The following MAP1S variants were observed in gnomAD, a reference collection of about 807,000 sequenced individuals.
The protein encoded by MAP1S is microtubule-associated protein 1S.
In MAP1S, 27 loss-of-function variants were observed where a neutral mutation model predicts 60.9. The ratio of observed to expected loss-of-function variants is 0.44; its 90% CI spans 0.33 to 0.61. The LOEUF (loss-of-function observed/expected upper bound fraction) is 0.61, where lower values mean the gene tolerates loss of function less well. Among genes scored for constraint, MAP1S ranks in the 20% least tolerant of loss-of-function variants. The probability of loss-of-function intolerance (pLI) is 0.03; values close to 1 mark genes in which losing one functional copy is unlikely to be tolerated. For synonymous variants in MAP1S, 826 were observed against 694.2 expected, an observed-to-expected ratio of 1.19 and a Z score of -2.98; for missense variants, 1,608 against 1,486.6, an observed-to-expected ratio of 1.08 and a Z score of -1.34.
intron 6 of MAP1S, 121 bp downstream of exon 6, chr19:17,733,549 G>A: frequency 3.9e-6 from 3 of 778,468 alleles, no homozygotes; most frequent in Non-Finnish European, 5.9e-6. Context: ...GGCGAATGTG[G>A]GAGTCTCACA....
chr19:17,727,014 G>A lies in MAP1S; in HGVS notation c.1630G>A (p.Ala544Thr), dbSNP rs2080435888. 6.3e-7 allele frequency: 1 copy of A among 1,590,534 alleles called. No individual in the cohort carries two copies. Among genetic ancestry groups the A allele is most frequent in the Non-Finnish European group, 8.5e-7 (1 of 1,169,592 alleles). ...GACCCAGCCGCGGGAGGTGCGCCGGGCAGCCTCTTCTGTGCCCAACCTCAA... is the reference window on the plus strand; with the variant it reads ...GACCCAGCCGCGGGAGGTGCGCCGGACAGCCTCTTCTGTGCCCAACCTCAA... The part of the protein sequence containing the change: ...SRTQPREVRR[A>T]ASSVPNLKKT... The change falls in exon 5 of 7, where the codon GCA (alanine) becomes ACA (threonine). Residue 544 changes from alanine (A) to threonine (T), a missense_variant. Ala to Thr is a moderately conservative substitution (Grantham distance 58). Transcript: ENST00000324096. The surrounding 1 kb of genome is among the most constrained non-coding windows in gnomAD (Gnocchi z 4.1).
chr19:17,726,790 G>A lies in MAP1S; in HGVS notation c.1406G>A (p.Arg469Gln), dbSNP rs749145474. The change falls in exon 5 of 7, where the codon CGA becomes CAA. Residue 469 changes from arginine (R) to glutamine (Q), a missense_variant. Arg to Gln is a conservative substitution (Grantham distance 43). Coordinates refer to ENST00000324096, the MANE Select transcript of MAP1S (RefSeq NM_018174.6). The stretch of plus-strand genomic sequence containing the variant: ...CCCCAGGACCTGGAGGGGCCGGGGC[G>A]AGCCGAGAGCAAAGAGAGCGTGGGC... ...VTPQDLEGPG[R>Q]AESKESVGSR... The A allele has an allele frequency of 7.1e-6, 11 of 1,557,156 alleles. No individual in the cohort carries two copies. The East Asian group carries it at 9.7e-5, about 14-fold the overall frequency.
chr19:17,726,606 A>T lies in MAP1S; in HGVS notation c.1222A>T (p.Thr408Ser). ...CCCGCCCTCCGCCGGCGCCGAGCGC[A>T]CGCTGGCCTCTGTGTGCGCCCTGCT... ...LHPPSAGAER[T>S]LASVCALLVW... The change falls in exon 5 of 7, where the codon ACG (threonine) becomes TCG (serine). Residue 408 changes from threonine (T) to serine (S), a missense_variant. Around this residue, in one of 4 missense-constraint regions of MAP1S, gnomAD observed 1,167 missense variants for 961.4 expected, o/e 1.21. Coordinates refer to ENST00000324096, the MANE Select transcript of MAP1S (RefSeq NM_018174.6). 2.5e-6 allele frequency: 4 copies of T among 1,570,812 alleles called. No individual in the cohort carries two copies. The highest frequency in any genetic ancestry group is 3.4e-6 in the Non-Finnish European group (4 of 1,162,912).
At position 17,733,286 on chromosome 19, in the gene MAP1S, A is replaced by G. The variant is rs551113292; in HGVS notation, c.2882A>G (p.His961Arg). 3.2e-6 allele frequency: 5 copies of G among 1,579,516 alleles called. No homozygotes were observed. Among genetic ancestry groups the G allele is most frequent in the Non-Finnish European group, 4.3e-6 (5 of 1,164,064 alleles). The change falls in exon 6 of 7, where the codon CAC becomes CGC. Residue 961 changes from histidine to arginine, a missense_variant. This residue lies in a region of MAP1S where 1,167 missense variants were observed against 961.4 expected (regional missense o/e 1.21). Coordinates refer to ENST00000324096, the MANE Select transcript of MAP1S (RefSeq NM_018174.6). ...TACCTGCCCAGCGGGAGCAGCGCCC[A>G]CCTGGTGGATGAGGAGTTCTTCCAG... ...LAYLPSGSSAHLVDEEFFQRV... is the reference protein window; with the variant it reads ...LAYLPSGSSARLVDEEFFQRV...
intron 5 of MAP1S, 43 bp from the exon 6 acceptor site, chr19:17,733,150 G>T: frequency 7.7e-7 from 1 of 1,302,060 alleles, no homozygotes; most frequent in Non-Finnish European, 1.1e-6. Context: ...CCCCTCCCCA[G>T]CCCCAGGAGC....
Position 17,725,039 on chromosome 19 carries a change from C to T in MAP1S, c.304-10C>T, listed in dbSNP as rs2080404832. 1.2e-6 allele frequency: 2 copies of T among 1,614,128 alleles called. No homozygotes were observed. On this transcript the variant is annotated splice_polypyrimidine_tract_variant and intron_variant, in intron 3 of 6. Transcript: ENST00000324096. The surrounding 1 kb of genome is among the most constrained non-coding windows in gnomAD (Gnocchi z 4.2). ...AGAACGGGTCCTTTAGTGTTCACCC[C>T]CTCCCTCAGCTCCGGAACCTTCTGT...
Position 17,733,185 on chromosome 19 carries a change from G to A in MAP1S, c.2789-8G>A, listed in dbSNP as rs372756614. 119 of 1,129,084 alleles carry A rather than the reference G, an allele frequency of 1.1e-4. No individual in the cohort carries two copies. The Admixed American group carries it at 1.1e-3, about 11-fold the overall frequency. The allele number at this position is 1,129,084 out of a possible 1,614,324, so 69.9% of individuals were successfully genotyped here. On this transcript the variant is annotated splice_polypyrimidine_tract_variant and splice_region_variant and intron_variant, in intron 5 of 6. Transcript: ENST00000324096. ...CTCATCCCTGCCTCCCCATCCCCCC[G>A]CCCGCAGGGTCAGCCAGCAGCCGGC... is the stretch of plus-strand genomic sequence containing the variant.
chr19:17,730,895 CTT>C (rs779442592), intron 5 of MAP1S, among the ~76,000 whole-genome samples: 3 of 134,732 alleles, frequency 2.2e-5, no homozygotes, highest in Non-Finnish European at 4.8e-5. Context: ...TTTTCTTTTT[CTT>C]TTTTTTTTTT....
intron 5 of MAP1S, among the ~76,000 whole-genome samples, chr19:17,731,101 G>C (rs2080489875): frequency 6.6e-6 from 1 of 151,712 alleles, no homozygotes; most frequent in African/African-American, 2.4e-5. Flanking sequence ...CACCACGTTG[G>C]CCAGGCTGGT....
Position 17,727,429 on chromosome 19 carries a change from T to C in MAP1S, c.2045T>C (p.Leu682Pro). 6.2e-7 allele frequency: 1 copy of C among 1,601,766 alleles called. No individual in the cohort carries two copies. The highest frequency in any genetic ancestry group is 8.5e-7 in the Non-Finnish European group (1 of 1,174,818). Residue 682 changes from leucine (L) to proline (P), a missense_variant, in exon 5 of 7, where the codon CTA becomes CCA. Leu to Pro is a moderately conservative substitution (Grantham distance 98, BLOSUM62 -3). Transcript: ENST00000324096. The surrounding 1 kb of genome is among the most constrained non-coding windows in gnomAD (Gnocchi z 4.1). Reference protein sequence around the residue: ...VTTPTVTTPSLPAEVGSPHST... With the variant: ...VTTPTVTTPSPPAEVGSPHST... ...ACACCCACGGTGACCACGCCCTCAC[T>C]ACCCGCAGAGGTGGGCTCCCCGCAC...
intron 1 of MAP1S, chr19:17,720,408 C>T: frequency 6.5e-7 from 1 of 1,535,018 alleles, no homozygotes; most frequent in Non-Finnish European, 8.7e-7. Context: ...GGATGATAGA[C>T]AGGTTCAGCC....
rs764662106 is a variant in MAP1S at position 17,727,548 on chromosome 19, C to T, written c.2164C>T (p.Arg722Cys). 1.9e-5 allele frequency: 31 copies of T among 1,608,590 alleles called. No homozygotes were observed. The highest frequency in any genetic ancestry group is 2.5e-5 in the Non-Finnish European group (29 of 1,179,350). ...TSEAGLSLPLRGPRARRSASP... is the reference protein window; with the variant it reads ...TSEAGLSLPLCGPRARRSASP... ...TGAGGCTGGGCTGAGCCTCCCGCTG[C>T]GTGGCCCCCGGGCGCGGCGCTCGGC... is the stretch of plus-strand genomic sequence containing the variant. The change falls in exon 5 of 7, where the codon CGT (arginine) becomes TGT (cysteine). Residue 722 changes from arginine to cysteine, a missense_variant. Coordinates refer to ENST00000324096, the MANE Select transcript of MAP1S (RefSeq NM_018174.6). The surrounding 1 kb of genome is among the most constrained non-coding windows in gnomAD (Gnocchi z 4.1).
In MAP1S at chr19:17,726,385, TG is replaced by T; in HGVS notation, c.1006del (p.Val336SerfsTer24). The T allele has an allele frequency of 6.3e-7, 1 of 1,593,048 alleles. No individual in the cohort carries two copies. Among genetic ancestry groups the T allele is most frequent in the Non-Finnish European group, 8.5e-7 (1 of 1,176,544 alleles). On this transcript the variant is annotated frameshift_variant, in exon 5 of 7. Coordinates refer to ENST00000324096, the MANE Select transcript of MAP1S (RefSeq NM_018174.6). LOFTEE classifies it high-confidence loss of function. Reference sequence around the variant, plus strand: ...CTGCGCAGGCTCATCTCCCCCAACCTGGGGGTCGTGTTCTTCAACGCCTGCG... The same window carrying T: ...CTGCGCAGGCTCATCTCCCCCAACCTGGGGTCGTGTTCTTCAACGCCTGCG... ...DRLRRLISPN[L>X]GVVFFNACEA... is the part of the protein sequence containing the mutation.
chr19:17,728,171 G>A lies in MAP1S; in HGVS notation c.2787G>A (p.Ser929=), dbSNP rs759709700. The change falls in exon 5 of 7, where the codon TCG becomes TCA. Residue 929 remains serine (S), a splice_region_variant and synonymous_variant. Transcript: ENST00000324096. ...STPKTATRGP[S]GSASSRPGVS... ...CCAAGACTGCCACTCGAGGCCCGTCGGGTGAGTACTGGAGCTGGGGCCCTG... is the reference window on the plus strand; with the variant it reads ...CCAAGACTGCCACTCGAGGCCCGTCAGGTGAGTACTGGAGCTGGGGCCCTG... The A allele has an allele frequency of 6.9e-6, 11 of 1,582,860 alleles. No individual in the cohort carries two copies. The African/African-American group carries it at 1.1e-4, about 16-fold the overall frequency.
At chr19:17,723,287 C>T (rs2080387493) in intron 2 of MAP1S, among the ~76,000 whole-genome samples, 1 of 152,212 alleles carries the variant, frequency 6.6e-6, no homozygotes, top group Non-Finnish European at 1.5e-5. Flanking sequence ...TGGGTCAAGT[C>T]TGTAATCCCA....
In MAP1S at chr19:17,725,268, G is replaced by A. The variant is rs1232217884; in HGVS notation, c.444+79G>A. ...GTGTATCAGGCTGTGTGGCACCAGC[G>A]ACCTGCTGTTTTCCATGGCCTGGTC... On this transcript the variant is annotated intron_variant, in intron 4 of 6. Transcript: ENST00000324096. This position sits in a 1 kb window ranked among gnomAD's most constrained non-coding sequence, Gnocchi z 4.2. 8.0e-6 allele frequency: 12 copies of A among 1,498,216 alleles called. No homozygotes were observed. In the South Asian group the frequency reaches 9.1e-5, roughly 11 times the overall value. 92.8% of individuals were successfully genotyped at this position (1,498,216 alleles called of 1,614,324 possible).
intron 3 of MAP1S, 120 bp from the exon 4 acceptor site, chr19:17,724,929 T>C (rs2080403410): frequency 7.9e-7 from 1 of 1,268,348 alleles, no homozygotes; most frequent in Non-Finnish European, 1.1e-6. Context: ...AGCACTGGGC[T>C]GGTCGTGGGG....
rs894547779 is a variant in MAP1S at position 17,724,051 on chromosome 19, C to T, written c.221-75C>T. Reference sequence around the variant, plus strand: ...TCCATATGATCCCTGGGTGGGTTCCCAGAGGGGTTCATGTTCCCTGAGGGT... The same window carrying T: ...TCCATATGATCCCTGGGTGGGTTCCTAGAGGGGTTCATGTTCCCTGAGGGT... On this transcript the variant is annotated intron_variant, in intron 2 of 6. Coordinates refer to ENST00000324096, the MANE Select transcript of MAP1S (RefSeq NM_018174.6). The T allele has an allele frequency of 5.1e-6, 6 of 1,183,634 alleles. No individual in the cohort carries two copies. The African/African-American group carries it at 9.0e-5, about 18-fold the overall frequency. The allele number at this position is 1,183,634 out of a possible 1,614,324, so 73.3% of individuals were successfully genotyped here.
At chr19:17,728,313 G>A in intron 5 of MAP1S, 141 bp downstream of exon 5, 1 of 963,410 alleles carries the variant, frequency 1.0e-6, no homozygotes, top group Non-Finnish European at 1.5e-6. Flanking sequence ...GCAGTGGTGT[G>A]GTCACAGCTC....
Sources: allele counts gnomAD v4.1 joint callset (sites outside exome capture counted in the v4.1 genomes callset), GRCh38; gene constraint gnomAD v4.1.1; regional missense constraint gnomAD v4.1.1; non-coding constraint Gnocchi (gnomAD v3.1); transcripts MANE v1.5; gene names NCBI Gene and HGNC (gene_info 2026-07-23, HGNC 2026-07-21).